The following ARHGAP24 variants were observed in gnomAD, a reference collection of about 807,000 sequenced individuals.
ARHGAP24 encodes rho GTPase-activating protein 24.
Under a neutral mutation model 76.4 loss-of-function variants are expected in ARHGAP24, and 50 were observed. The observed-to-expected ratio is 0.65, with a 90% CI of 0.52 to 0.83. The LOEUF is 0.83. ARHGAP24 is among the 40% of genes least tolerant of loss of function. The pLI is 0.00. For missense variants in ARHGAP24, 930 were observed against 914.2 expected (o/e 1.02, Z -0.22); for synonymous variants, 345 against 323.3 (o/e 1.07, Z -0.72).
intron 4 of ARHGAP24, among the ~76,000 whole-genome samples, chr4:85,941,236 G>A (rs574425817): frequency 2.6e-5 from 4 of 152,190 alleles, no homozygotes; most frequent in East Asian, 3.9e-4. Flanking sequence ...CTTAATTAGT[G>A]GAGTACTGAG....
chr4:85,767,508 G>A (rs547580986), intron 3 of ARHGAP24, among the ~76,000 whole-genome samples: 1 of 152,108 alleles, frequency 6.6e-6, no homozygotes, highest in South Asian at 2.1e-4. Flanking sequence ...AGAGGAAGAG[G>A]GGTTGTCTGT....
chr4:85,486,435 T>TA (rs1723053045), intron 1 of ARHGAP24, among the ~76,000 whole-genome samples: 1 of 152,244 alleles, frequency 6.6e-6, no homozygotes, highest in South Asian at 2.1e-4. Context: ...AGAAACTGGC[T>TA]AATTAAGTTA....
chr4:85,548,725 G>C (rs761968664), intron 1 of ARHGAP24, among the ~76,000 whole-genome samples: 7 of 152,100 alleles, frequency 4.6e-5, no homozygotes, highest in Non-Finnish European at 7.4e-5. Context: ...GCATAGTTCA[G>C]GAAATTAGAC....
At chr4:85,517,055 A>G (rs1353689656) in intron 1 of ARHGAP24, among the ~76,000 whole-genome samples, 1 of 152,058 alleles carries the variant, frequency 6.6e-6, no homozygotes, top group Non-Finnish European at 1.5e-5. Context: ...TTGAGCTGAC[A>G]CTTTTATCAT....
intron 5 of ARHGAP24, among the ~76,000 whole-genome samples, chr4:85,956,455 GCTTCCAAAATGGTGGCGGGCCA>G (rs1224305560): frequency 6.6e-6 from 1 of 152,150 alleles, no homozygotes; most frequent in African/African-American, 2.4e-5. Context: ...GAGGTGGGCC[GCTTCCAAAATGGTGGCGGGCCA>G]CTTTGAAGAT....
chr4:85,897,588 A>C (rs1429535304), intron 3 of ARHGAP24, among the ~76,000 whole-genome samples: 2 of 152,260 alleles, frequency 1.3e-5, no homozygotes, highest in Non-Finnish European at 2.9e-5. Flanking sequence ...ACAGAAAATT[A>C]AAAGGGCTAT....
chr4:85,492,681 C>T (rs1365345511), intron 1 of ARHGAP24, among the ~76,000 whole-genome samples: 1 of 152,162 alleles, frequency 6.6e-6, no homozygotes, highest in Non-Finnish European at 1.5e-5. Context: ...TGTCACAGGA[C>T]ATTTCAAAAT....
intron 3 of ARHGAP24, among the ~76,000 whole-genome samples, chr4:85,743,547 G>A (rs761080595): frequency 3.9e-5 from 5 of 129,846 alleles, no homozygotes; most frequent in Non-Finnish European, 6.9e-5. Flanking sequence ...TAGCCTACGT[G>A]ACAGGGCGAG....
intron 1 of ARHGAP24, among the ~76,000 whole-genome samples, chr4:85,508,317 G>T (rs377399747): frequency 1.3e-5 from 2 of 152,152 alleles, no homozygotes; most frequent in Non-Finnish European, 2.9e-5. Context: ...ATACTGCATT[G>T]TTTTATGCTA....
chr4:85,705,350 G>A (rs972191782), intron 2 of ARHGAP24, among the ~76,000 whole-genome samples: 1 of 151,464 alleles, frequency 6.6e-6, no homozygotes, highest in East Asian at 1.9e-4. Context: ...CAAAATATAC[G>A]AATATACATG....
rs35635619 is a variant in ARHGAP24, at chr4:85,789,220, TAAA to T, written c.268+67264_268+67266del. ...CATGCCTATGTAATGGAACCTCCAT[TAAA>T]AAAAAAAAAAAAAAAGATGGGATTT... On this transcript the variant is annotated intron_variant, in intron 3 of 9. Transcript: ENST00000395184. Among the ~76,000 whole-genome samples the T allele has an allele frequency of 2.9e-3, 367 of 128,320 alleles. 5 individuals carry two copies. The highest frequency in any genetic ancestry group is 3.4e-3 in the Admixed American group (43 of 12,636). The allele number at this position is 128,320 out of a possible 152,430, so 84.2% of individuals were successfully genotyped here. A position where few individuals can be genotyped will look rare whatever the true frequency, so the allele number is the denominator to read the frequency against.
intron 2 of ARHGAP24, among the ~76,000 whole-genome samples, chr4:85,620,956 A>G (rs1331809720): frequency 1.3e-5 from 2 of 151,770 alleles, no homozygotes; most frequent in Admixed American, 1.3e-4. Context: ...TGGAGTCCCT[A>G]GTATCTATTG....
At chr4:85,508,370 C>A (rs1301326075) in intron 1 of ARHGAP24, among the ~76,000 whole-genome samples, 1 of 152,164 alleles carries the variant, frequency 6.6e-6, no homozygotes, top group Non-Finnish European at 1.5e-5. Flanking sequence ...AAGGAAGATA[C>A]CACCTGAAAA....
chr4:85,566,350 G>C (rs1202950145), intron 1 of ARHGAP24, among the ~76,000 whole-genome samples: 1 of 152,096 alleles, frequency 6.6e-6, no homozygotes, highest in Non-Finnish European at 1.5e-5. Flanking sequence ...ACCACAATTG[G>C]TTATGTGTAT....
rs551508501 is a variant in ARHGAP24, at chr4:85,479,782, G to A, written c.-21+4223G>A. ...ATATGTAGAAAGGGGCTTACACACT[G>A]TTTAGACTAAAATACATATGGGCTT... On this transcript the variant is annotated intron_variant, in intron 1 of 9. Coordinates refer to ENST00000395184, the MANE Select transcript of ARHGAP24 (RefSeq NM_001025616.3). Among the ~76,000 whole-genome samples, 13 of 152,302 alleles carry A rather than the reference G, an allele frequency of 8.5e-5. 1 individual carries two copies. In the South Asian group the frequency reaches 2.7e-3, roughly 32 times the overall value.
chr4:85,931,787 T>A (rs1180626433), intron 4 of ARHGAP24, among the ~76,000 whole-genome samples: 1 of 152,212 alleles, frequency 6.6e-6, no homozygotes, highest in African/African-American at 2.4e-5. Context: ...TATTTATAAA[T>A]ATCTTTTTGC....
At chr4:85,934,664 G>A (rs960472419) in intron 4 of ARHGAP24, among the ~76,000 whole-genome samples, 2 of 151,994 alleles carry the variant, frequency 1.3e-5, no homozygotes, top group African/African-American at 2.4e-5. Context: ...ACAGGTGCCC[G>A]CCACCACACC....
chr4:85,547,819 T>A (rs1725977378), intron 1 of ARHGAP24, among the ~76,000 whole-genome samples: 1 of 152,204 alleles, frequency 6.6e-6, no homozygotes, highest in Admixed American at 6.5e-5. Context: ...AATAATTAAT[T>A]TGTAAGAAGA....
chr4:85,553,263 C>A (rs1485966928), intron 1 of ARHGAP24, among the ~76,000 whole-genome samples: 2 of 152,200 alleles, frequency 1.3e-5, no homozygotes, highest in Admixed American at 1.3e-4. Context: ...AGTGAAAGAA[C>A]AAAGCTTACA....
Sources: gnomAD v4.1 joint callset for allele counts (sites outside exome capture counted in the v4.1 genomes callset) on GRCh38, gnomAD v4.1.1 for gene constraint, MANE v1.5 for transcripts, NCBI Gene and HGNC (gene_info 2026-07-23, HGNC 2026-07-21) for gene names.